LUZP2: variants seen among roughly 807,000 people sequenced by gnomAD.
The protein encoded by LUZP2 is leucine zipper protein 2.
In LUZP2, 52 loss-of-function variants were observed where a neutral mutation model predicts 51.6. The observed-to-expected ratio is 1.01, with a 90% CI of 0.81 to 1.27. LUZP2 has a LOEUF of 1.27. LUZP2 is among the 50% of genes most tolerant of loss of function. The pLI, the probability that LUZP2 is intolerant of heterozygous loss-of-function variation, is 0.00. For synonymous variants in LUZP2, 154 were observed against 137.3 expected, an observed-to-expected ratio of 1.12 and a Z score of -0.85; for missense variants, 436 against 395.4, an observed-to-expected ratio of 1.10 and a Z score of -0.87.
At chr11:24,553,980 T>C (rs1030261127) in intron 1 of LUZP2, among the ~76,000 whole-genome samples, 7 of 152,170 alleles carry the variant, frequency 4.6e-5, no homozygotes, top group African/African-American at 1.7e-4. Context: ...TTGTGCAGCC[T>C]ACGTGAGGGC....
At chr11:24,880,035 G>GT (rs1384573986) in intron 5 of LUZP2, among the ~76,000 whole-genome samples, 1 of 152,170 alleles carries the variant, frequency 6.6e-6, no homozygotes, top group Non-Finnish European at 1.5e-5. Flanking sequence ...TTGCCTAGGA[G>GT]TTGTAGTCCT....
intron 1 of LUZP2, among the ~76,000 whole-genome samples, chr11:24,585,372 C>T (rs952908317): frequency 6.6e-6 from 1 of 152,152 alleles, no homozygotes; most frequent in Non-Finnish European, 1.5e-5. Flanking sequence ...AGAACTGAGA[C>T]TTGCTTGTAA....
chr11:24,931,397 G>C lies in LUZP2; in HGVS notation c.522+16859G>C, dbSNP rs540365326. On this transcript the variant is annotated intron_variant, in intron 7 of 11. Coordinates refer to ENST00000336930, the MANE Select transcript of LUZP2 (RefSeq NM_001009909.4). ...AGGGATGGGTTGCCCCTCCACACCT[G>C]TGGGCGTTTCTCGTTAGGTAGAATG... Among the ~76,000 whole-genome samples, 286 of 152,204 alleles carry C rather than the reference G, an allele frequency of 1.9e-3. 1 individual carries two copies. Among genetic ancestry groups the C allele is most frequent in the Admixed American group, 6.0e-3 (91 of 15,288 alleles).
At chr11:24,793,349 A>G (rs967749753) in intron 5 of LUZP2, among the ~76,000 whole-genome samples, 16 of 152,160 alleles carry the variant, frequency 1.1e-4, no homozygotes, top group Admixed American at 5.9e-4. Flanking sequence ...GGGTAATCCC[A>G]TGGGCCTGAA....
chr11:24,503,656 A>G (rs910325401), intron 1 of LUZP2, among the ~76,000 whole-genome samples: 2 of 152,186 alleles, frequency 1.3e-5, no homozygotes, highest in Admixed American at 1.3e-4. Context: ...CCAAAGCCCT[A>G]CAATTTAGAG....
chr11:24,514,926 C>A (rs1450919418), intron 1 of LUZP2, among the ~76,000 whole-genome samples: 1 of 152,138 alleles, frequency 6.6e-6, no homozygotes, highest in Non-Finnish European at 1.5e-5. Flanking sequence ...TTTTACATGA[C>A]TTTAGGTCAG....
chr11:24,720,351 AT>A (rs1858217126), intron 1 of LUZP2, among the ~76,000 whole-genome samples: 1 of 152,232 alleles, frequency 6.6e-6, no homozygotes, highest in Non-Finnish European at 1.5e-5. Context: ...TTCTATGAAA[AT>A]AAATGTAAAA....
intron 9 of LUZP2, among the ~76,000 whole-genome samples, chr11:24,989,504 ACT>A (rs1436046677): frequency 6.6e-6 from 1 of 151,956 alleles, no homozygotes; most frequent in African/African-American, 2.4e-5. Context: ...GAATAGCAAA[ACT>A]CTGACACTCA....
rs572449863 is a variant in LUZP2, at chr11:24,983,590, A to G, written c.765+297A>G. On this transcript the variant is annotated intron_variant, in intron 9 of 11. Transcript: ENST00000336930. ...AATAAGTTAAAAGAGAATATCTTGT[A>G]TTACATTGAAATAAACATCACAGGT... 2.0e-5 allele frequency among the ~76,000 whole-genome samples: 3 copies of G among 151,854 alleles called. No individual in the cohort carries two copies. In the South Asian group the frequency reaches 6.2e-4, roughly 31 times the overall value.
intron 5 of LUZP2, among the ~76,000 whole-genome samples, chr11:24,885,564 G>C (rs1432389832): frequency 6.6e-6 from 1 of 152,128 alleles, no homozygotes; most frequent in African/African-American, 2.4e-5. Context: ...TATTGTATGG[G>C]TGAGATGAGG....
At chr11:24,507,839 CATG>C in intron 1 of LUZP2, among the ~76,000 whole-genome samples, 1 of 152,006 alleles carries the variant, frequency 6.6e-6, no homozygotes, top group South Asian at 2.1e-4. Flanking sequence ...GTTGGTTTTG[CATG>C]ATGTTAAACA....
chr11:24,547,763 A>G (rs1207529908), intron 1 of LUZP2, among the ~76,000 whole-genome samples: 1 of 152,158 alleles, frequency 6.6e-6, no homozygotes, highest in Non-Finnish European at 1.5e-5. Context: ...GAAACTATCA[A>G]CAGAGTAAAC....
intron 9 of LUZP2, among the ~76,000 whole-genome samples, chr11:25,022,543 A>G (rs181927791): frequency 2.2e-3 from 329 of 152,208 alleles, no homozygotes; most frequent in Middle Eastern, 6.8e-3. Context: ...TATAAAAGCC[A>G]TGGGCTCTCT....
At chr11:24,580,045 A>C (rs7944949) in intron 1 of LUZP2, among the ~76,000 whole-genome samples, 87,602 of 151,814 alleles carry the variant, frequency 0.58, 25,878 homozygotes, top group East Asian at 0.73. Context: ...AAGACTATTT[A>C]AATATCCAGG....
intron 9 of LUZP2, among the ~76,000 whole-genome samples, chr11:24,999,988 T>A (rs1856631824): frequency 6.6e-6 from 1 of 152,120 alleles, no homozygotes; most frequent in Non-Finnish European, 1.5e-5. Context: ...CCAGCTTTTA[T>A]TCCCTTATTT....
chr11:24,543,423 A>G (rs1394981122), intron 1 of LUZP2, among the ~76,000 whole-genome samples: 2 of 152,072 alleles, frequency 1.3e-5, no homozygotes, highest in East Asian at 3.9e-4. Context: ...GAAAAAAGCT[A>G]TCTCAGACTA....
intron 7 of LUZP2, among the ~76,000 whole-genome samples, chr11:24,945,563 T>C (rs891096920): frequency 6.6e-6 from 1 of 151,866 alleles, no homozygotes. Context: ...CTTTATCATC[T>C]TATCATCTTT....
chr11:24,621,859 C>G (rs78854813), intron 1 of LUZP2, among the ~76,000 whole-genome samples: 3,390 of 152,038 alleles, frequency 0.022, 135 homozygotes, highest in African/African-American at 0.078. Context: ...TTCTGGTATG[C>G]CTTGTAGTCT....
At chr11:24,622,872 A>G (rs563406140) in intron 1 of LUZP2, among the ~76,000 whole-genome samples, 1 of 152,324 alleles carries the variant, frequency 6.6e-6, no homozygotes, top group Admixed American at 6.5e-5. Flanking sequence ...TCTGTCCTCA[A>G]ATAATTTTTA....
Sources: gnomAD v4.1 joint callset for allele counts (sites outside exome capture counted in the v4.1 genomes callset) on GRCh38, gnomAD v4.1.1 for gene constraint, MANE v1.5 for transcripts, NCBI Gene and HGNC (gene_info 2026-07-23, HGNC 2026-07-21) for gene names.